Variants in VPS45 observed in about 807,000 individuals in gnomAD.
VPS45 encodes the protein vacuolar protein sorting 45 homolog, also known as vacuolar protein sorting-associated protein 45.
VPS45 carries 35 observed loss-of-function variants against 75.9 expected under a neutral mutation model. That is an observed-to-expected ratio of 0.46 (90% CI 0.35 to 0.61). The LOEUF is 0.61. VPS45 is among the 20% of genes least tolerant of loss of function. The probability of loss-of-function intolerance (pLI) is 0.00; values close to 1 mark genes in which losing one functional copy is unlikely to be tolerated. For synonymous variants in VPS45, 220 were observed against 238.2 expected (o/e 0.92, Z 0.70); for missense variants, 559 against 685.9 (o/e 0.81, Z 2.07).
At position 150,093,596 on chromosome 1, in the gene VPS45, A is replaced by G. The variant is rs782366238; in HGVS notation, c.1441A>G (p.Arg481Gly). The G allele has an allele frequency of 1.9e-6, 3 of 1,613,880 alleles. No individual in the cohort carries two copies. Among genetic ancestry groups the G allele is most frequent in the Non-Finnish European group, 1.7e-6 (2 of 1,179,952 alleles). The change falls in exon 13 of 15, where the codon AGG (arginine) becomes GGG (glycine). Residue 481 changes from arginine (R) to glycine (G), a missense_variant. Physicochemically the swap from Arg to Gly is moderately radical, Grantham distance 125. Transcript: ENST00000644510. ...HETLDHLIKG[R>G]LKENLYPYLG... ...AACCCTGGATCATCTCATCAAAGGAAGGCTTAAGGAAAACCTATATCCTTA... is the reference window on the plus strand; with the variant it reads ...AACCCTGGATCATCTCATCAAAGGAGGGCTTAAGGAAAACCTATATCCTTA...
At chr1:150,102,612 C>A (rs184563566) in intron 13 of VPS45, among the ~76,000 whole-genome samples, 1 of 150,592 alleles carries the variant, frequency 6.6e-6, no homozygotes, top group Non-Finnish European at 1.5e-5. Context: ...AGTTAAGACA[C>A]GGAATCAACC....
At chr1:150,133,863 A>G (rs74676189) in intron 14 of VPS45, among the ~76,000 whole-genome samples, 2,224 of 152,308 alleles carry the variant, frequency 0.015, 66 homozygotes, top group African/African-American at 0.051. Context: ...TTCTCTTCGC[A>G]TGACATTCCA....
chr1:150,072,563 A>G lies in VPS45; in HGVS notation c.289+337A>G, dbSNP rs587762112. Among the ~76,000 whole-genome samples the G allele has an allele frequency of 9.2e-5, 14 of 151,988 alleles. No homozygotes were observed. In the South Asian group the frequency reaches 2.3e-3, roughly 25 times the overall value. On this transcript the variant is annotated intron_variant, in intron 3 of 14. Coordinates refer to ENST00000644510, the MANE Select transcript of VPS45 (RefSeq NM_007259.5). The stretch of plus-strand genomic sequence containing the variant: ...TCCCAGCTACTTGGGAGGCTGAGGC[A>G]GGAGAATCGCTTGAACCGGAGAGGC...
chr1:150,140,918 G>A (rs1444032137), intron 14 of VPS45, among the ~76,000 whole-genome samples: 2 of 152,174 alleles, frequency 1.3e-5, no homozygotes, highest in African/African-American at 2.4e-5. Flanking sequence ...GAGTAATAAT[G>A]TGAGAGTTGG....
rs782226922 is a variant in VPS45, at chr1:150,067,801, TA to T, written c.-55del. 1.5e-4 allele frequency: 231 copies of T among 1,569,692 alleles called. No individual in the cohort carries two copies. The highest frequency in any genetic ancestry group is 1.9e-4 in the Non-Finnish European group (214 of 1,142,208). Reference sequence around the variant, plus strand: ...GAGACCCGGCCAACAGACTGGGGGTTAATTTAGCCAGAAAAGGGGGCGGGAA... The same window carrying T: ...GAGACCCGGCCAACAGACTGGGGGTTATTTAGCCAGAAAAGGGGGCGGGAA... On this transcript the variant is annotated 5_prime_UTR_variant, in exon 1 of 15. Coordinates refer to ENST00000644510, the MANE Select transcript of VPS45 (RefSeq NM_007259.5).
intron 14 of VPS45, among the ~76,000 whole-genome samples, chr1:150,125,640 G>T (rs1366948787): frequency 7.6e-6 from 1 of 131,142 alleles, no homozygotes; most frequent in Non-Finnish European, 1.6e-5. Flanking sequence ...TCACACACTG[G>T]GGGGAGGGGG....
chr1:150,135,638 C>T (rs184798371), intron 14 of VPS45, among the ~76,000 whole-genome samples: 2 of 151,538 alleles, frequency 1.3e-5, no homozygotes, highest in East Asian at 3.9e-4. Context: ...CTGGACTACA[C>T]CCTTAGGACT....
chr1:150,123,053 C>G (rs966164352), intron 14 of VPS45, among the ~76,000 whole-genome samples: 1 of 151,522 alleles, frequency 6.6e-6, no homozygotes, highest in Non-Finnish European at 1.5e-5. Context: ...TAATAAACCA[C>G]TAATCTAACT....
intron 14 of VPS45, among the ~76,000 whole-genome samples, chr1:150,144,394 T>G (rs955804352): frequency 9.9e-5 from 15 of 152,180 alleles, no homozygotes; most frequent in Admixed American, 4.6e-4. Context: ...TGAGTTAATA[T>G]AGTGGCCTTG....
intron 14 of VPS45, among the ~76,000 whole-genome samples, chr1:150,130,032 A>G (rs1201647465): frequency 6.6e-6 from 1 of 151,402 alleles, no homozygotes; most frequent in East Asian, 1.9e-4. Flanking sequence ...TAATCTATCT[A>G]TCTATCTATT....
chr1:150,107,965 G>C (rs1657425245), intron 13 of VPS45, among the ~76,000 whole-genome samples: 1 of 152,110 alleles, frequency 6.6e-6, no homozygotes, highest in Non-Finnish European at 1.5e-5. Context: ...GATTTGAGGT[G>C]TGTGAGCTGG....
At chr1:150,067,624 C>T, upstream of VPS45, 1 of 508,936 alleles carries the variant, frequency 2.0e-6, no homozygotes, top group Non-Finnish European at 3.5e-6. Flanking sequence ...GAGAATAACG[C>T]CCGCGCGTGG....
In VPS45 at chr1:150,070,542, T is replaced by C. The variant is rs1017718158; in HGVS notation, c.229-1624T>C. ...GCGCGGTGGCTCACGCCTGTAATCC[T>C]AGCACTTTGGGAGGCCAAGGCAGGC... On this transcript the variant is annotated intron_variant, in intron 2 of 14. Coordinates refer to ENST00000644510, the MANE Select transcript of VPS45 (RefSeq NM_007259.5). Among the ~76,000 whole-genome samples, 106 of 151,472 alleles carry C rather than the reference T, an allele frequency of 7.0e-4. 1 individual carries two copies. Among genetic ancestry groups the C allele is most frequent in the Non-Finnish European group, 7.7e-4 (52 of 67,880 alleles).
intron 3 of VPS45, among the ~76,000 whole-genome samples, chr1:150,073,642 T>G (rs1394676931): frequency 6.6e-6 from 1 of 151,868 alleles, no homozygotes; most frequent in African/African-American, 2.4e-5. Flanking sequence ...TCATGTGCAG[T>G]TAAAAAAAAA....
intron 13 of VPS45, among the ~76,000 whole-genome samples, chr1:150,096,299 A>G (rs1656653523): frequency 6.6e-6 from 1 of 152,240 alleles, no homozygotes; most frequent in Non-Finnish European, 1.5e-5. Context: ...TTGGATCATG[A>G]CAAAGGTATT....
At chr1:150,135,308 G>T (rs1395984345) in intron 14 of VPS45, among the ~76,000 whole-genome samples, 1 of 151,820 alleles carries the variant, frequency 6.6e-6, no homozygotes, top group African/African-American at 2.4e-5. Flanking sequence ...TGTCACCCAG[G>T]CTGGAGTGCA....
chr1:150,113,347 TAC>T (rs1657748153), intron 14 of VPS45, among the ~76,000 whole-genome samples: 5 of 152,304 alleles, frequency 3.3e-5, no homozygotes, highest in African/African-American at 9.6e-5. Context: ...TACATACACT[TAC>T]ACACAGTTAT....
chr1:150,133,547 C>T (rs1553812887), intron 14 of VPS45, among the ~76,000 whole-genome samples: 6 of 152,104 alleles, frequency 3.9e-5, no homozygotes. Flanking sequence ...GAGCGAGACT[C>T]CATCTCAAAA....
chr1:150,079,559 C>T (rs1394827391), intron 7 of VPS45, among the ~76,000 whole-genome samples: 1 of 152,158 alleles, frequency 6.6e-6, no homozygotes, highest in Non-Finnish European at 1.5e-5. Flanking sequence ...CACCCCCACA[C>T]CTGGCTAATT....
Sources: allele counts gnomAD v4.1 joint callset (sites outside exome capture counted in the v4.1 genomes callset), GRCh38; gene constraint gnomAD v4.1.1; transcripts MANE v1.5; gene names NCBI Gene and HGNC (gene_info 2026-07-23, HGNC 2026-07-21).